The following ATXN1 variants were observed in gnomAD, a reference collection of about 807,000 sequenced individuals.
The protein encoded by ATXN1 is ataxin 1.
In ATXN1, 8 loss-of-function variants were observed where a neutral mutation model predicts 56.4. The ratio of observed to expected loss-of-function variants is 0.14; its 90% CI spans 0.08 to 0.26. The LOEUF (loss-of-function observed/expected upper bound fraction) is 0.26, where lower values mean the gene tolerates loss of function less well. Ranked by LOEUF, ATXN1 falls within the 10% of genes least tolerant of loss-of-function variation. The pLI is 1.00. For synonymous variants in ATXN1, 514 were observed against 494.6 expected, an observed-to-expected ratio of 1.04 and a Z score of -0.52; for missense variants, 987 against 1,106.5, an observed-to-expected ratio of 0.89 and a Z score of 1.53.
intron 6 of ATXN1, among the ~76,000 whole-genome samples, chr6:16,352,439 A>G (rs2113462083): frequency 6.6e-6 from 1 of 152,190 alleles, no homozygotes. Flanking sequence ...CCTCAATGAC[A>G]CTGTAGAAGA....
At chr6:16,468,262 T>C (rs1760146344) in intron 6 of ATXN1, among the ~76,000 whole-genome samples, 1 of 152,212 alleles carries the variant, frequency 6.6e-6, no homozygotes, top group Admixed American at 6.5e-5. Flanking sequence ...CTTGGCTCAC[T>C]GCAAGCTCCA....
intron 6 of ATXN1, among the ~76,000 whole-genome samples, chr6:16,358,802 G>A (rs1408074416): frequency 1.3e-5 from 2 of 152,240 alleles, no homozygotes; most frequent in Non-Finnish European, 2.9e-5. Flanking sequence ...GTCTCCCTGT[G>A]CTCTTGGGGG....
At chr6:16,650,370 C>A (rs1763872899) in intron 3 of ATXN1, among the ~76,000 whole-genome samples, 1 of 152,158 alleles carries the variant, frequency 6.6e-6, no homozygotes, top group Admixed American at 6.5e-5. Context: ...CTAACAAAAT[C>A]CTTTCAATTA....
chr6:16,467,929 C>T (rs183748609), intron 6 of ATXN1, among the ~76,000 whole-genome samples: 92 of 152,290 alleles, frequency 6.0e-4, no homozygotes, highest in Non-Finnish European at 1.0e-3. Context: ...CTGTAAAACA[C>T]GGATATTCTC....
intron 3 of ATXN1, among the ~76,000 whole-genome samples, chr6:16,589,232 A>G (rs548222602): frequency 6.6e-6 from 1 of 152,008 alleles, no homozygotes; most frequent in South Asian, 2.1e-4. Context: ...CAATTATCAT[A>G]TTTTCCTGTA....
intron 6 of ATXN1, among the ~76,000 whole-genome samples, chr6:16,418,026 A>G (rs1170526536): frequency 6.6e-6 from 1 of 152,212 alleles, no homozygotes; most frequent in Non-Finnish European, 1.5e-5. Context: ...GAATGAAGGT[A>G]AAGCATGTTG....
intron 3 of ATXN1, among the ~76,000 whole-genome samples, chr6:16,625,861 A>T (rs1763397570): frequency 6.6e-6 from 1 of 152,312 alleles, no homozygotes; most frequent in South Asian, 2.1e-4. Flanking sequence ...AACTCTAGGT[A>T]CCAAGCATTC....
At chr6:16,341,205 G>A (rs1203128356) in intron 6 of ATXN1, among the ~76,000 whole-genome samples, 1 of 152,156 alleles carries the variant, frequency 6.6e-6, no homozygotes, top group African/African-American at 2.4e-5. Context: ...CATGTACCTG[G>A]GACACTACTG....
chr6:16,438,920 CA>C (rs1006650503), intron 6 of ATXN1, among the ~76,000 whole-genome samples: 1 of 152,134 alleles, frequency 6.6e-6, no homozygotes, highest in Non-Finnish European at 1.5e-5. Context: ...AGAAGCAATT[CA>C]AGTTGCTATT....
intron 4 of ATXN1, among the ~76,000 whole-genome samples, chr6:16,527,129 A>C (rs1761411193): frequency 1.3e-5 from 2 of 152,052 alleles, no homozygotes; most frequent in Admixed American, 1.3e-4. Flanking sequence ...TCTCAAAGAG[A>C]ATGGTTGGTT....
chr6:16,645,003 T>G (rs1393691259), intron 3 of ATXN1, among the ~76,000 whole-genome samples: 2 of 152,188 alleles, frequency 1.3e-5, no homozygotes. Flanking sequence ...ATTTACATAA[T>G]ATGTGCTTGT....
intron 3 of ATXN1, among the ~76,000 whole-genome samples, chr6:16,657,150 A>AT (rs1330768405): frequency 8.9e-4 from 132 of 148,660 alleles, no homozygotes; most frequent in East Asian, 5.1e-3. Context: ...CACCCGGCTA[A>AT]TTTTTTTTTT....
chr6:16,629,409 C>A (rs1230640982), intron 3 of ATXN1, among the ~76,000 whole-genome samples: 1 of 152,086 alleles, frequency 6.6e-6, no homozygotes, highest in Non-Finnish European at 1.5e-5. Flanking sequence ...CTCACTGCAA[C>A]CTTCGCCTCC....
At chr6:16,660,237 C>G (rs1483253419) in intron 2 of ATXN1, among the ~76,000 whole-genome samples, 1 of 152,206 alleles carries the variant, frequency 6.6e-6, no homozygotes, top group Non-Finnish European at 1.5e-5. Flanking sequence ...CCTATCCCTT[C>G]TTGTTTACCA....
At chr6:16,436,178 G>A (rs1030806899) in intron 6 of ATXN1, among the ~76,000 whole-genome samples, 9 of 152,158 alleles carry the variant, frequency 5.9e-5, no homozygotes, top group East Asian at 1.9e-4. Flanking sequence ...GATTACAGGC[G>A]TGAGCCACCA....
intron 2 of ATXN1, among the ~76,000 whole-genome samples, chr6:16,686,356 C>T (rs1415795704): frequency 6.6e-6 from 1 of 152,134 alleles, no homozygotes; most frequent in East Asian, 1.9e-4. Flanking sequence ...AATCTGATAA[C>T]GCACTGTGAA....
At chr6:16,684,204 G>T (rs757715720) in intron 2 of ATXN1, among the ~76,000 whole-genome samples, 1 of 152,130 alleles carries the variant, frequency 6.6e-6, no homozygotes, top group Non-Finnish European at 1.5e-5. Flanking sequence ...CCTTGGAGAT[G>T]ATCAAATCCA....
intron 6 of ATXN1, among the ~76,000 whole-genome samples, chr6:16,377,588 G>T (rs930058306): frequency 1.3e-5 from 2 of 152,116 alleles, no homozygotes; most frequent in Admixed American, 1.3e-4. Flanking sequence ...AACCATCACA[G>T]CTCACTGGGA....
At chr6:16,309,029 A>T (rs962131636) in intron 7 of ATXN1, among the ~76,000 whole-genome samples, 6 of 151,822 alleles carry the variant, frequency 4.0e-5, no homozygotes, top group African/African-American at 1.5e-4. Context: ...GGAGTTTCAG[A>T]CCAGTCTGGG....
Sources: gnomAD v4.1 joint callset for allele counts (sites outside exome capture counted in the v4.1 genomes callset) on GRCh38, gnomAD v4.1.1 for gene constraint, MANE v1.5 for transcripts, NCBI Gene and HGNC (gene_info 2026-07-23, HGNC 2026-07-21) for gene names.